The following HDAC9 variants were observed in gnomAD, a reference collection of about 807,000 sequenced individuals.
HDAC9 encodes the protein histone deacetylase 9, also known as MEF-2 interacting transcription repressor (MITR) protein.
In HDAC9, 41 loss-of-function variants were observed where a neutral mutation model predicts 139.4. The observed-to-expected ratio is 0.29, with a 90% CI of 0.23 to 0.38. HDAC9 has a LOEUF of 0.38. Among genes scored for constraint, HDAC9 ranks in the 10% least tolerant of loss-of-function variants. The pLI is 1.00. For synonymous variants in HDAC9, 517 were observed against 476.2 expected (o/e 1.09, Z -1.12); for missense variants, 1,147 against 1,297.0 (o/e 0.88, Z 1.78).
chr7:18,901,187 C>G (rs547778638), intron 22 of HDAC9, among the ~76,000 whole-genome samples: 1 of 148,950 alleles, frequency 6.7e-6, no homozygotes, highest in Non-Finnish European at 1.5e-5. Context: ...CTTTCTCTCT[C>G]TGTATATATA....
intron 2 of HDAC9, among the ~76,000 whole-genome samples, chr7:18,189,591 G>A (rs1199521842): frequency 6.6e-6 from 1 of 152,112 alleles, no homozygotes; most frequent in Non-Finnish European, 1.5e-5. Context: ...GAGCCTTGTG[G>A]GGCATGGTAA....
chr7:18,288,456 A>G (rs910183410), upstream of HDAC9, among the ~76,000 whole-genome samples: 1 of 152,100 alleles, frequency 6.6e-6, no homozygotes, highest in African/African-American at 2.4e-5. Context: ...TCAACCCTCC[A>G]GTCTTTCACT....
intron 2 of HDAC9, among the ~76,000 whole-genome samples, chr7:18,214,484 G>C (rs561936898): frequency 6.6e-6 from 1 of 152,140 alleles, no homozygotes; most frequent in South Asian, 2.1e-4. Flanking sequence ...ATCCCACCTT[G>C]TTAGATGAAT....
chr7:18,369,973 A>G (rs1220711560), intron 1 of HDAC9, among the ~76,000 whole-genome samples: 2 of 152,178 alleles, frequency 1.3e-5, no homozygotes, highest in Non-Finnish European at 2.9e-5. Context: ...GTAGGTTGAA[A>G]GCATATTCAA....
At chr7:18,344,303 A>G (rs545956383) in intron 1 of HDAC9, among the ~76,000 whole-genome samples, 2 of 152,046 alleles carry the variant, frequency 1.3e-5, no homozygotes, top group African/African-American at 2.4e-5. Flanking sequence ...TAGGAACTAG[A>G]TCAAGCACTT....
intron 2 of HDAC9, among the ~76,000 whole-genome samples, chr7:18,509,987 TAC>T (rs1174467349): frequency 6.6e-6 from 1 of 152,212 alleles, no homozygotes; most frequent in Admixed American, 6.5e-5. Flanking sequence ...GATTAAAGAG[TAC>T]AGTGTTATTG....
At chr7:18,231,921 G>A (rs1793486796) in intron 2 of HDAC9, among the ~76,000 whole-genome samples, 1 of 152,126 alleles carries the variant, frequency 6.6e-6, no homozygotes, top group African/African-American at 2.4e-5. Flanking sequence ...ATGAAAACAT[G>A]TGAAATCATA....
At chr7:18,227,454 A>G (rs572629044) in intron 2 of HDAC9, among the ~76,000 whole-genome samples, 71 of 152,312 alleles carry the variant, frequency 4.7e-4, no homozygotes, top group African/African-American at 1.7e-3. Context: ...GAACTTGCTA[A>G]AATTGCATGA....
intron 2 of HDAC9, among the ~76,000 whole-genome samples, chr7:18,203,943 CA>C (rs920476811): frequency 6.6e-6 from 1 of 152,096 alleles, no homozygotes; most frequent in Non-Finnish European, 1.5e-5. Context: ...ACCTTTTCTC[CA>C]AAGCTATGTA....
At chr7:18,138,426 G>A (rs1405575305) in intron 1 of HDAC9, among the ~76,000 whole-genome samples, 1 of 151,986 alleles carries the variant, frequency 6.6e-6, no homozygotes, top group African/African-American at 2.4e-5. Context: ...AGAACTCCTG[G>A]TTTTAGGAGA....
chr7:18,231,016 G>A (rs966009871), intron 2 of HDAC9, among the ~76,000 whole-genome samples: 3 of 152,174 alleles, frequency 2.0e-5, no homozygotes, highest in African/African-American at 7.2e-5. Flanking sequence ...GGTGAAGGTT[G>A]GGGCTAGTTT....
intron 1 of HDAC9, among the ~76,000 whole-genome samples, chr7:18,316,262 A>G (rs1044563665): frequency 4.6e-5 from 7 of 152,170 alleles, no homozygotes; most frequent in Admixed American, 1.3e-4. Flanking sequence ...CACAATATGC[A>G]TAGAAGAAAT....
At chr7:18,317,132 A>C (rs1283148827) in intron 1 of HDAC9, among the ~76,000 whole-genome samples, 1 of 146,332 alleles carries the variant, frequency 6.8e-6, no homozygotes, top group African/African-American at 2.5e-5. Context: ...TAAATAAATA[A>C]ATAAATAAAT....
At chr7:18,681,800 G>T (rs1361295724) in intron 12 of HDAC9, among the ~76,000 whole-genome samples, 2 of 151,962 alleles carry the variant, frequency 1.3e-5, no homozygotes, top group Non-Finnish European at 2.9e-5. Flanking sequence ...ACTGTCCCAG[G>T]TGCCAAGATA....
chr7:18,221,891 C>G (rs564251843), intron 2 of HDAC9, among the ~76,000 whole-genome samples: 1 of 152,218 alleles, frequency 6.6e-6, no homozygotes, highest in African/African-American at 2.4e-5. Context: ...TTACAGCTTG[C>G]TTTAGTAAAA....
intron 2 of HDAC9, among the ~76,000 whole-genome samples, chr7:18,541,797 G>A (rs977975689): frequency 6.6e-6 from 1 of 152,064 alleles, no homozygotes; most frequent in Admixed American, 6.5e-5. Context: ...GACTGTGAGT[G>A]GAATTTTAGA....
intron 15 of HDAC9, among the ~76,000 whole-genome samples, chr7:18,765,057 C>A (rs1223291725): frequency 1.3e-5 from 2 of 152,254 alleles, no homozygotes; most frequent in South Asian, 2.1e-4. Flanking sequence ...TCCTGTCGCT[C>A]TTATGACCAG....
chr7:18,816,266 AT>A (rs1305751877), intron 17 of HDAC9, among the ~76,000 whole-genome samples: 2 of 152,244 alleles, frequency 1.3e-5, no homozygotes, highest in Non-Finnish European at 2.9e-5. Context: ...ATTCCAATAA[AT>A]TGAAGTTAGG....
Position 18,422,464 on chromosome 7 carries a change from C to T in HDAC9, c.-41-73798C>T, listed in dbSNP as rs80123631. On this transcript the variant is annotated intron_variant, in intron 1 of 3. Transcript: ENST00000413509. The stretch of plus-strand genomic sequence containing the variant: ...AATCGATCATAAACAAATACTTATA[C>T]GCATGCAGAAAATCCTAATCTATTC... 8.8e-3 allele frequency among the ~76,000 whole-genome samples: 1,343 copies of T among 152,188 alleles called. 17 individuals are homozygous for T. The highest frequency in any genetic ancestry group is 0.031 in the African/African-American group (1,266 of 41,492).
Sources: allele counts gnomAD v4.1 joint callset (sites outside exome capture counted in the v4.1 genomes callset), GRCh38; gene constraint gnomAD v4.1.1; transcripts MANE v1.5; gene names NCBI Gene and HGNC (gene_info 2026-07-23, HGNC 2026-07-21).